The following MAP6 variants were observed in gnomAD, a reference collection of about 807,000 sequenced individuals.
The protein encoded by MAP6 is microtubule associated protein 6.
Under a neutral mutation model 42.4 loss-of-function variants are expected in MAP6, and 26 were observed. The observed-to-expected ratio is 0.61, with a 90% confidence interval of 0.45 to 0.85. The LOEUF (loss-of-function observed/expected upper bound fraction) is 0.85, where lower values mean the gene tolerates loss of function less well. MAP6 is among the 40% of genes least tolerant of loss of function. MAP6 has a pLI of 0.00. For synonymous variants in MAP6, 418 were observed against 443.8 expected (o/e 0.94, Z 0.73); for missense variants, 966 against 1,099.0 (o/e 0.88, Z 1.71).
At chr11:75,646,674 C>A (rs1943558883) in intron 1 of MAP6, among the ~76,000 whole-genome samples, 1 of 151,964 alleles carries the variant, frequency 6.6e-6, no homozygotes, top group Non-Finnish European at 1.5e-5. Context: ...GTGGCACACG[C>A]CTGTAATCCC....
chr11:75,592,814 A>G (rs1356295161), intron 3 of MAP6, among the ~76,000 whole-genome samples: 2 of 152,144 alleles, frequency 1.3e-5, no homozygotes, highest in African/African-American at 4.8e-5. Flanking sequence ...TAGCTGGCCA[A>G]TCTACCCACT....
intron 1 of MAP6, among the ~76,000 whole-genome samples, chr11:75,633,903 C>T (rs574493513): frequency 3.9e-5 from 6 of 152,204 alleles, no homozygotes; most frequent in South Asian, 2.1e-4. Flanking sequence ...CGATGGGGAG[C>T]GGCTGGAGGA....
chr11:75,643,241 T>C (rs1044256367), intron 1 of MAP6, among the ~76,000 whole-genome samples: 24 of 150,970 alleles, frequency 1.6e-4, no homozygotes, highest in African/African-American at 5.8e-4. Context: ...TATAAATATA[T>C]AAATTTTTTT....
chr11:75,616,884 T>C (rs1943003453), intron 1 of MAP6, among the ~76,000 whole-genome samples: 1 of 152,238 alleles, frequency 6.6e-6, no homozygotes, highest in South Asian at 2.1e-4. Flanking sequence ...CGGATGATGA[T>C]TTTATAAAAT....
intron 1 of MAP6, among the ~76,000 whole-genome samples, chr11:75,663,803 C>A (rs901355548): frequency 2.4e-4 from 37 of 152,206 alleles, no homozygotes; most frequent in African/African-American, 8.9e-4. Context: ...TAAACTAAGT[C>A]AGATGGGTCT....
At chr11:75,637,247 T>C (rs1284780720) in intron 1 of MAP6, among the ~76,000 whole-genome samples, 1 of 152,204 alleles carries the variant, frequency 6.6e-6, no homozygotes, top group African/African-American at 2.4e-5. Flanking sequence ...AGCAAAAATG[T>C]AAAAGTTAAT....
At chr11:75,660,764 T>C (rs189794282) in intron 1 of MAP6, among the ~76,000 whole-genome samples, 1 of 152,330 alleles carries the variant, frequency 6.6e-6, no homozygotes, top group East Asian at 1.9e-4. Context: ...TGACTCATTA[T>C]TGTCTATAGA....
Position 75,668,259 on chromosome 11 carries a change from G to C in MAP6, c.111C>G (p.Thr37=), listed in dbSNP as rs762709416. The change falls in exon 1 of 4, where the codon ACC becomes ACG. Residue 37 remains threonine (T), a synonymous_variant. Transcript: ENST00000304771. ...GCTGCGGCGGGGCGCCCGGGTGCTC[G>C]GTGGCCTCCGAGTACTTGGTGAAAA... ...PLVFTKYSEA[T]EHPGAPPQPP... is the part of the protein sequence containing the mutation. The C allele has an allele frequency of 1.6e-5, 23 of 1,482,642 alleles. No homozygotes were observed. Among genetic ancestry groups the C allele is most frequent in the African/African-American group, 2.9e-5 (2 of 69,826 alleles). 91.8% of individuals were successfully genotyped at this position (1,482,642 alleles called of 1,614,324 possible).
At chr11:75,603,798 C>T (rs544776514) in intron 3 of MAP6, 1 of 985,200 alleles carries the variant, frequency 1.0e-6, no homozygotes, top group East Asian at 1.1e-4. Flanking sequence ...AATAAATGAT[C>T]CCCTGTGCAT....
intron 1 of MAP6, chr11:75,638,543 T>G (rs1348608160): frequency 2.0e-5 from 3 of 152,124 alleles, no homozygotes; most frequent in Non-Finnish European, 4.4e-5. Flanking sequence ...CGCTCCAGGG[T>G]CAATACAGCA....
chr11:75,624,196 G>T (rs1037603999), intron 1 of MAP6, among the ~76,000 whole-genome samples: 3 of 152,252 alleles, frequency 2.0e-5, no homozygotes, highest in Admixed American at 1.3e-4. Context: ...CTGAGAAAAT[G>T]TGAGACTTGT....
chr11:75,615,223 T>G (rs571757490), intron 1 of MAP6, among the ~76,000 whole-genome samples: 1 of 152,284 alleles, frequency 6.6e-6, no homozygotes, highest in East Asian at 1.9e-4. Context: ...GTGAGATACA[T>G]CCATCCTAGC....
chr11:75,594,212 C>G (rs1317457242), intron 3 of MAP6: 2 of 152,250 alleles, frequency 1.3e-5, no homozygotes, highest in African/African-American at 2.4e-5. Flanking sequence ...TCACTTGGAG[C>G]AAAGATGGGC....
chr11:75,591,686 G>A (rs184713802), intron 3 of MAP6, among the ~76,000 whole-genome samples: 18 of 152,304 alleles, frequency 1.2e-4, no homozygotes, highest in East Asian at 5.8e-4. Context: ...TGCCACGGGC[G>A]CCTTCTCCCA....
chr11:75,634,985 AG>A (rs897749768), intron 1 of MAP6, among the ~76,000 whole-genome samples: 4 of 152,200 alleles, frequency 2.6e-5, no homozygotes, highest in African/African-American at 9.7e-5. Flanking sequence ...GAAAATGTGG[AG>A]CAAAATAGGC....
At position 75,587,444 on chromosome 11, in the gene MAP6, A is replaced by G. The variant is rs957472517; in HGVS notation, c.2057T>C (p.Val686Ala). The G allele has an allele frequency of 6.2e-6, 10 of 1,614,040 alleles. No individual in the cohort carries two copies. The African/African-American group carries it at 1.3e-4, about 22-fold the overall frequency. The change falls in exon 4 of 4, where the codon GTA (valine) becomes GCA (alanine). Residue 686 changes from valine (V) to alanine (A), a missense_variant. Around this residue, in one of 2 missense-constraint regions of MAP6, gnomAD observed 943 missense variants for 1,049.9 expected, o/e 0.90. Coordinates refer to ENST00000304771, the MANE Select transcript of MAP6 (RefSeq NM_033063.2). ...GTGAACCTTTGCATGCTCTGGGACT[A>G]CAACATCTTGATCCTTGACTGGCCC... Reference protein sequence around the residue: ...VSGPVKDQDVVVPEHAKVHDS... With the variant: ...VSGPVKDQDVAVPEHAKVHDS...
intron 1 of MAP6, among the ~76,000 whole-genome samples, chr11:75,614,117 T>A (rs915739965): frequency 6.6e-6 from 1 of 152,160 alleles, no homozygotes; most frequent in Non-Finnish European, 1.5e-5. Flanking sequence ...TCAAGCTACC[T>A]GTGTAGATGA....
intron 1 of MAP6, among the ~76,000 whole-genome samples, chr11:75,650,901 C>G (rs1234581462): frequency 3.9e-5 from 6 of 152,146 alleles, no homozygotes; most frequent in Non-Finnish European, 8.8e-5. Flanking sequence ...TTCTTCAGAA[C>G]ACTTCTCCCT....
At chr11:75,622,963 G>T (rs1010779303) in intron 1 of MAP6, among the ~76,000 whole-genome samples, 1 of 152,132 alleles carries the variant, frequency 6.6e-6, no homozygotes, top group Non-Finnish European at 1.5e-5. Context: ...CAGGAAATTG[G>T]CTAACACTGT....
Sources: gnomAD v4.1 joint callset for allele counts (sites outside exome capture counted in the v4.1 genomes callset) on GRCh38, gnomAD v4.1.1 for gene constraint, gnomAD v4.1.1 regional missense constraint, MANE v1.5 for transcripts, NCBI Gene and HGNC (gene_info 2026-07-23, HGNC 2026-07-21) for gene names.